Variants in ABTB3 observed in about 807,000 individuals in gnomAD.
ABTB3 encodes ankyrin repeat- and BTB/POZ domain-containing protein 3.
At chr12:107,481,137 T>A in the ABTB3 span, among the ~76,000 whole-genome samples, 2 of 152,144 alleles carry the variant, frequency 1.3e-5, no homozygotes, top group African/African-American at 4.8e-5. Flanking sequence ...TTATCGGACT[T>A]ATGGTATCAA....
the ABTB3 span, chr12:107,543,821 A>C: frequency 1.1e-6 from 1 of 948,854 alleles, no homozygotes; most frequent in Non-Finnish European, 1.5e-6. Flanking sequence ...CCATTGAACC[A>C]CTTTATTTAA....
chr12:107,464,216 TGTGTGTGTGTG>T, the ABTB3 span, among the ~76,000 whole-genome samples: 1 of 18,246 alleles, frequency 5.5e-5, no homozygotes, highest in African/African-American at 5.9e-4. Flanking sequence ...AGTGTGTGTG[TGTGTGTGTGTG>T]TGTGTGTGTG....
chr12:107,355,834 T>G, the ABTB3 span, among the ~76,000 whole-genome samples: 18 of 152,196 alleles, frequency 1.2e-4, no homozygotes, highest in African/African-American at 4.3e-4. Flanking sequence ...TTTAACCATG[T>G]GTAACTTTGA....
the ABTB3 span, among the ~76,000 whole-genome samples, chr12:107,632,986 C>G: frequency 6.6e-6 from 1 of 152,356 alleles, no homozygotes; most frequent in Admixed American, 6.5e-5. Flanking sequence ...GTTCTCCCCC[C>G]TCCCGTCTGA....
chr12:107,426,303 G>T, the ABTB3 span, among the ~76,000 whole-genome samples: 1 of 152,204 alleles, frequency 6.6e-6, no homozygotes, highest in African/African-American at 2.4e-5. Context: ...TGGACGGACG[G>T]CAAGCCTGCA....
chr12:107,411,297 T>TC, the ABTB3 span, among the ~76,000 whole-genome samples: 1 of 151,914 alleles, frequency 6.6e-6, no homozygotes, highest in African/African-American at 2.4e-5. Context: ...AGACTCCGTC[T>TC]CCCCCCTCCA....
chr12:107,489,316 T>C, the ABTB3 span, among the ~76,000 whole-genome samples: 2 of 151,922 alleles, frequency 1.3e-5, no homozygotes, highest in Non-Finnish European at 2.9e-5. Context: ...AGCTCAGGAG[T>C]TTGAAACCAG....
At chr12:107,587,959 C>A in the ABTB3 span, among the ~76,000 whole-genome samples, 35 of 152,260 alleles carry the variant, frequency 2.3e-4, 1 homozygote, top group South Asian at 7.3e-3. Context: ...AAATCCAAAA[C>A]CAAGGTGCTG....
chr12:107,635,553 A>G, the ABTB3 span, among the ~76,000 whole-genome samples: 6 of 152,118 alleles, frequency 3.9e-5, no homozygotes, highest in Non-Finnish European at 8.8e-5. Flanking sequence ...TTATTATGTG[A>G]TGACACTGGA....
the ABTB3 span, among the ~76,000 whole-genome samples, chr12:107,579,869 T>C: frequency 6.6e-6 from 1 of 152,216 alleles, no homozygotes; most frequent in Non-Finnish European, 1.5e-5. Flanking sequence ...ATCTACGTAG[T>C]GCATTTCTCA....
the ABTB3 span, among the ~76,000 whole-genome samples, chr12:107,404,934 AT>A: frequency 6.6e-6 from 1 of 152,198 alleles, no homozygotes; most frequent in Non-Finnish European, 1.5e-5. Context: ...AATATTGTCC[AT>A]TTTGCAGATG....
the ABTB3 span, among the ~76,000 whole-genome samples, chr12:107,469,936 T>TCTC: frequency 1.6e-5 from 1 of 61,530 alleles, no homozygotes; most frequent in African/African-American, 7.8e-5. Context: ...CTCTCTCTCT[T>TCTC]TCTTTCTCTT....
the ABTB3 span, among the ~76,000 whole-genome samples, chr12:107,515,985 G>A: frequency 6.6e-6 from 1 of 151,462 alleles, no homozygotes; most frequent in Non-Finnish European, 1.5e-5. Context: ...AAGGGTCACT[G>A]TTATTTTCCA....
chr12:107,527,357 C>T, the ABTB3 span, among the ~76,000 whole-genome samples: 32 of 152,208 alleles, frequency 2.1e-4, no homozygotes, highest in African/African-American at 7.2e-4. Context: ...CTGCAACCTC[C>T]GCCTCCTGGG....
chr12:107,347,767 CCTTGATGGGAGAGTCA>C, the ABTB3 span, among the ~76,000 whole-genome samples: 1 of 152,068 alleles, frequency 6.6e-6, no homozygotes, highest in African/African-American at 2.4e-5. Flanking sequence ...GAATCCCACC[CCTTGATGGGAGAGTCA>C]CAAGGTCACC....
At chr12:107,404,453 G>A in the ABTB3 span, among the ~76,000 whole-genome samples, 1 of 152,116 alleles carries the variant, frequency 6.6e-6, no homozygotes, top group Non-Finnish European at 1.5e-5. Context: ...TGTGGTGGCT[G>A]GGCCATCTCT....
chr12:107,558,926 C>A, the ABTB3 span, among the ~76,000 whole-genome samples: 12 of 141,744 alleles, frequency 8.5e-5, no homozygotes, highest in African/African-American at 2.8e-4. Context: ...CCAGAGCCTG[C>A]GTCCTCTTGC....
At chr12:107,500,945 G>A in the ABTB3 span, among the ~76,000 whole-genome samples, 1 of 152,090 alleles carries the variant, frequency 6.6e-6, no homozygotes, top group Non-Finnish European at 1.5e-5. Context: ...CTTGGCCCCC[G>A]CCTTTCTCTG....
At chr12:107,369,112 T>G in the ABTB3 span, among the ~76,000 whole-genome samples, 3 of 152,208 alleles carry the variant, frequency 2.0e-5, no homozygotes, top group East Asian at 1.9e-4. Context: ...ATCTACCAAC[T>G]TTTTTTTCTT....
Sources: gnomAD v4.1 joint callset for allele counts (sites outside exome capture counted in the v4.1 genomes callset) on GRCh38, gnomAD v4.1.1 for gene constraint, MANE v1.5 for transcripts, NCBI Gene and HGNC (gene_info 2026-07-23, HGNC 2026-07-21) for gene names.